The following HMGXB3 variants were observed in gnomAD, a reference collection of about 807,000 sequenced individuals.
HMGXB3 encodes the protein HMG domain-containing protein 3.
A neutral mutation model predicts 121.5 loss-of-function variants in HMGXB3; 45 were observed. The observed-to-expected ratio is 0.37, with a 90% CI of 0.29 to 0.47. The LOEUF is 0.47. Ranked by LOEUF, HMGXB3 falls within the 20% of genes least tolerant of loss-of-function variation. HMGXB3 has a pLI of 0.99. For synonymous variants in HMGXB3, 590 were observed against 624.1 expected (o/e 0.95, Z 0.81); for missense variants, 1,376 against 1,602.2 (o/e 0.86, Z 2.41).
intron 4 of HMGXB3, among the ~76,000 whole-genome samples, chr5:150,011,818 G>A (rs1003729685): frequency 6.6e-6 from 1 of 151,704 alleles, no homozygotes; most frequent in Non-Finnish European, 1.5e-5. Context: ...CACCACGTTG[G>A]CCAGGCTGGT....
At chr5:150,021,189 G>C (rs1356232626) in intron 6 of HMGXB3, among the ~76,000 whole-genome samples, 1 of 152,214 alleles carries the variant, frequency 6.6e-6, no homozygotes, top group African/African-American at 2.4e-5. Context: ...TAGATACTGT[G>C]ATTTCTAAAG....
intron 1 of HMGXB3, among the ~76,000 whole-genome samples, chr5:150,002,985 A>C (rs1421701464): frequency 6.6e-6 from 1 of 152,030 alleles, no homozygotes; most frequent in African/African-American, 2.4e-5. Flanking sequence ...TCTACAAACA[A>C]TTTAAAAATT....
At chr5:150,022,880 C>T (rs1195331263) in intron 6 of HMGXB3, among the ~76,000 whole-genome samples, 1 of 142,832 alleles carries the variant, frequency 7.0e-6, no homozygotes, top group East Asian at 2.2e-4. Flanking sequence ...GGCATGAATA[C>T]AGCTCATGCA....
Position 150,050,525 on chromosome 5 carries a change from A to T in HMGXB3, c.3411+64A>T, listed in dbSNP as rs1756865930. On this transcript the variant is annotated intron_variant, in intron 19 of 19. Coordinates refer to ENST00000502717, the MANE Select transcript of HMGXB3 (RefSeq NM_014983.3). ...CCTACCATGTCTTGCTCTGTCACCC[A>T]GGCTGGAGTGCAGTGGTGTTATCTC... 38 of 1,292,638 alleles carry T rather than the reference A, an allele frequency of 2.9e-5. 1 individual carries two copies. In the South Asian group the frequency reaches 4.9e-4, roughly 17 times the overall value. 80.1% of individuals were successfully genotyped at this position (1,292,638 alleles called of 1,614,324 possible).
chr5:150,037,022 A>G, intron 12 of HMGXB3, 85 bp downstream of exon 12: 2 of 1,178,750 alleles, frequency 1.7e-6, no homozygotes, highest in Non-Finnish European at 2.4e-6. Flanking sequence ...TAAAACTATA[A>G]CTGTGAAGAT....
intron 15 of HMGXB3, among the ~76,000 whole-genome samples, 172 bp downstream of exon 15, chr5:150,042,141 G>A (rs1756648084): frequency 6.6e-6 from 1 of 152,232 alleles, no homozygotes; most frequent in Non-Finnish European, 1.5e-5. Flanking sequence ...GATGGAAATG[G>A]AGGCATTTGT....
chr5:150,015,967 A>C (rs903933333), intron 5 of HMGXB3, among the ~76,000 whole-genome samples: 1 of 152,214 alleles, frequency 6.6e-6, no homozygotes. Context: ...TGTTCTATAC[A>C]TATCTAATTA....
intron 5 of HMGXB3, 34 bp from the exon 6 acceptor site, chr5:150,018,532 G>A: frequency 3.3e-6 from 5 of 1,501,986 alleles, no homozygotes; most frequent in Non-Finnish European, 3.6e-6. Context: ...GAGAGAGGTT[G>A]TTCTATTGAT....
chr5:150,020,691 C>T (rs987915573), intron 6 of HMGXB3, among the ~76,000 whole-genome samples: 5 of 150,532 alleles, frequency 3.3e-5, no homozygotes, highest in African/African-American at 1.2e-4. Flanking sequence ...TCCTGAGTAG[C>T]TGGTACTATA....
intron 9 of HMGXB3, among the ~76,000 whole-genome samples, chr5:150,028,440 ATG>A (rs1251920343): frequency 1.5e-5 from 2 of 137,288 alleles, no homozygotes; most frequent in South Asian, 2.5e-4. Flanking sequence ...ATATATATGT[ATG>A]TGTGTGTATA....
Position 150,032,346 on chromosome 5 carries a change from G to T in HMGXB3, c.1834-108G>T. On this transcript the variant is annotated intron_variant, in intron 10 of 19. Coordinates refer to ENST00000502717, the MANE Select transcript of HMGXB3 (RefSeq NM_014983.3). ...GAAGTTAGGCTGAATCTGGTTTGCAGTTGCCACTCTCTTCTCTGATTTACT... is the reference window on the plus strand; with the variant it reads ...GAAGTTAGGCTGAATCTGGTTTGCATTTGCCACTCTCTTCTCTGATTTACT... The T allele has an allele frequency of 2.9e-6, 3 of 1,033,750 alleles. No individual in the cohort carries two copies. In the South Asian group the frequency reaches 5.0e-5, roughly 17 times the overall value. The allele number at this position is 1,033,750 out of a possible 1,614,324, so 64.0% of individuals were successfully genotyped here. A position where few individuals can be genotyped will look rare whatever the true frequency, so the allele number is the denominator to read the frequency against.
Position 150,052,181 on chromosome 5 carries a change from G to A in HMGXB3, c.3868G>A (p.Val1290Met), listed in dbSNP as rs1756929666. 1 of 1,544,472 alleles carries A rather than the reference G, an allele frequency of 6.5e-7. No homozygotes were observed. The highest frequency in any genetic ancestry group is 2.5e-5 in the East Asian group (1 of 40,786). ...GGGTGAGGAAGAGGAGGTGGCCGCA[G>A]TGGCAGAATAAGCCAGGCTGTTGTA... ...EEGEEEEVAAVAE is the reference protein window; with the variant it reads ...EEGEEEEVAAMAE Residue 1290 changes from valine (V) to methionine (M), a missense_variant, in exon 20 of 20, where the codon GTG (valine) becomes ATG (methionine). By Grantham distance (21) the Val-to-Met change is conservative. Around this residue, in one of 2 missense-constraint regions of HMGXB3, gnomAD observed 260 missense variants for 233.2 expected, o/e 1.11. Coordinates refer to ENST00000502717, the MANE Select transcript of HMGXB3 (RefSeq NM_014983.3).
chr5:150,028,424 GTATA>G (rs1183948316), intron 9 of HMGXB3, among the ~76,000 whole-genome samples: 1 of 127,848 alleles, frequency 7.8e-6, no homozygotes, highest in South Asian at 2.5e-4. Context: ...ATATATATAT[GTATA>G]TATATATATG....
At chr5:150,010,861 A>G (rs1195595568) in intron 4 of HMGXB3, among the ~76,000 whole-genome samples, 1 of 152,270 alleles carries the variant, frequency 6.6e-6, no homozygotes, top group Non-Finnish European at 1.5e-5. Flanking sequence ...CATAAGCTAC[A>G]TTAGCAAGAA....
intron 5 of HMGXB3, among the ~76,000 whole-genome samples, chr5:150,017,680 G>A (rs902266027): frequency 8.5e-5 from 13 of 152,222 alleles, no homozygotes; most frequent in Admixed American, 6.5e-5. Context: ...GTAGTTTGGT[G>A]TTTCCCCAAG....
At chr5:150,021,922 G>C in intron 6 of HMGXB3, 1 of 488,150 alleles carries the variant, frequency 2.0e-6, no homozygotes, top group Admixed American at 2.1e-5. Context: ...TAAAAGCCTT[G>C]GCTGCAGCGG....
chr5:150,011,686 C>T (rs1755844766), intron 4 of HMGXB3, among the ~76,000 whole-genome samples: 2 of 148,598 alleles, frequency 1.3e-5, no homozygotes, highest in South Asian at 4.2e-4. Flanking sequence ...CTCACTGCAA[C>T]CTCCACCTCC....
Position 150,024,288 on chromosome 5 carries a change from A to G in HMGXB3, c.1068A>G (p.Glu356=). ...AAAAGCCAGCCAAAGTAAAAGTGGAATTGGCTTCTGGCGTCTCTTCCAAAG... is the reference window on the plus strand; with the variant it reads ...AAAAGCCAGCCAAAGTAAAAGTGGAGTTGGCTTCTGGCGTCTCTTCCAAAG... ...PKEKPAKVKV[E]LASGVSSKGS... The change falls in exon 7 of 20, where the codon GAA becomes GAG. Residue 356 remains glutamate, a synonymous_variant. Transcript: ENST00000502717. 1.3e-6 allele frequency: 2 copies of G among 1,538,642 alleles called. No individual in the cohort carries two copies. The highest frequency in any genetic ancestry group is 8.8e-7 in the Non-Finnish European group (1 of 1,142,782).
chr5:150,004,771 A>G, intron 1 of HMGXB3, 80 bp from the exon 2 acceptor site: 1 of 934,550 alleles, frequency 1.1e-6, no homozygotes, highest in South Asian at 1.7e-5. Flanking sequence ...TGGCAGAGGT[A>G]AGGGGTTATT....
Sources: allele counts gnomAD v4.1 joint callset (sites outside exome capture counted in the v4.1 genomes callset), GRCh38; gene constraint gnomAD v4.1.1; regional missense constraint gnomAD v4.1.1; transcripts MANE v1.5; gene names NCBI Gene and HGNC (gene_info 2026-07-23, HGNC 2026-07-21).